TYW1: variants seen among roughly 807,000 people sequenced by gnomAD.
TYW1 encodes tRNA-yW synthesizing protein 1 homolog.
A neutral mutation model predicts 96.2 loss-of-function variants in TYW1; 46 were observed. That is an observed-to-expected ratio of 0.48 (90% CI 0.38 to 0.61). The LOEUF (loss-of-function observed/expected upper bound fraction) is 0.61. TYW1 is among the 20% of genes least tolerant of loss of function. The pLI is 0.00. For missense variants in TYW1, 684 were observed against 909.6 expected, an observed-to-expected ratio of 0.75 and a Z score of 3.19; for synonymous variants, 274 against 323.0, an observed-to-expected ratio of 0.85 and a Z score of 1.63.
chr7:67,080,228 G>A (rs1165418660), intron 10 of TYW1, among the ~76,000 whole-genome samples: 2 of 152,008 alleles, frequency 1.3e-5, no homozygotes, highest in East Asian at 3.9e-4. Flanking sequence ...ATCTCATAAT[G>A]TTTGCTTTAT....
At chr7:67,173,142 A>G (rs1331767589) in intron 13 of TYW1, among the ~76,000 whole-genome samples, 4 of 152,318 alleles carry the variant, frequency 2.6e-5, no homozygotes, top group South Asian at 2.1e-4. Context: ...ATTCAAATGT[A>G]TCTCATTTTC....
At chr7:67,094,204 A>G (rs1161687725) in intron 11 of TYW1, among the ~76,000 whole-genome samples, 1 of 152,154 alleles carries the variant, frequency 6.6e-6, no homozygotes, top group African/African-American at 2.4e-5. Flanking sequence ...ATAGTATTCC[A>G]TGGTGTATAT....
intron 13 of TYW1, among the ~76,000 whole-genome samples, chr7:67,141,601 C>G (rs182157371): frequency 6.6e-6 from 1 of 152,178 alleles, no homozygotes; most frequent in Non-Finnish European, 1.5e-5. Flanking sequence ...CCTCAGAAAG[C>G]GAGCAGAGTG....
At chr7:67,119,478 C>T (rs1304556137) in intron 13 of TYW1, among the ~76,000 whole-genome samples, 1 of 152,138 alleles carries the variant, frequency 6.6e-6, no homozygotes, top group Non-Finnish European at 1.5e-5. Flanking sequence ...CACATGTACC[C>T]ACCACCTTCT....
intron 13 of TYW1, among the ~76,000 whole-genome samples, chr7:67,171,274 G>A (rs1799504557): frequency 6.6e-6 from 1 of 152,062 alleles, no homozygotes; most frequent in Admixed American, 6.5e-5. Flanking sequence ...AGTTATCTGT[G>A]TCTTCTTTTT....
At chr7:67,168,554 T>C (rs962691627) in intron 13 of TYW1, among the ~76,000 whole-genome samples, 7 of 152,212 alleles carry the variant, frequency 4.6e-5, no homozygotes, top group African/African-American at 1.4e-4. Flanking sequence ...GTGTTTTCTT[T>C]AGGACTTTGT....
intron 14 of TYW1, among the ~76,000 whole-genome samples, chr7:67,187,117 G>A (rs770431794): frequency 7.3e-4 from 101 of 138,378 alleles, no homozygotes; most frequent in Non-Finnish European, 1.3e-3. Flanking sequence ...AGACTGGAGC[G>A]CAGTGGCACA....
In TYW1 at chr7:67,001,351, A is replaced by T. The variant is rs191057286; in HGVS notation, c.273+2397A>T. Among the ~76,000 whole-genome samples, 373 of 152,102 alleles carry T rather than the reference A, an allele frequency of 2.5e-3. 2 individuals are homozygous for T. The highest frequency in any genetic ancestry group is 8.6e-3 in the African/African-American group (356 of 41,538). On this transcript the variant is annotated intron_variant, in intron 3 of 15. Transcript: ENST00000359626. ...CATATCATAGTTGATTTTGGGGTAG[A>T]TAGCCATCTTCCATCTTAAAGCTGC...
chr7:67,093,825 C>G (rs1796799233), intron 11 of TYW1, among the ~76,000 whole-genome samples: 2 of 152,052 alleles, frequency 1.3e-5, no homozygotes, highest in African/African-American at 4.8e-5. Flanking sequence ...GCTTTGATCT[C>G]TTGGGGATTT....
chr7:67,127,256 T>C (rs1797938327), intron 13 of TYW1, among the ~76,000 whole-genome samples: 1 of 151,938 alleles, frequency 6.6e-6, no homozygotes, highest in African/African-American at 2.4e-5. Context: ...CCTCCCAGGT[T>C]CAAGCAATTT....
Position 67,186,081 on chromosome 7 carries a change from T to TA in TYW1, c.1809+2846dup, listed in dbSNP as rs1800007427. On this transcript the variant is annotated intron_variant, in intron 14 of 15. Transcript: ENST00000359626. ...GGCAGGAGCTCTAATGATGCAAAGA[T>TA]ACAAACTGCAGCTGAAAATATATGT... is the stretch of plus-strand genomic sequence containing the variant. Among the ~76,000 whole-genome samples the TA allele has an allele frequency of 2.1e-5, 3 of 144,294 alleles. No homozygotes were observed. In the South Asian group the frequency reaches 6.9e-4, roughly 33 times the overall value. The allele number at this position is 144,294 out of a possible 152,430, so 94.7% of individuals were successfully genotyped here. A position where few individuals can be genotyped will look rare whatever the true frequency, so the allele number is the denominator to read the frequency against.
intron 11 of TYW1, among the ~76,000 whole-genome samples, chr7:67,094,810 A>C (rs1168610742): frequency 6.6e-6 from 1 of 151,782 alleles, no homozygotes; most frequent in Non-Finnish European, 1.5e-5. Context: ...CAACCTGGGG[A>C]TTCATTCTCT....
intron 13 of TYW1, among the ~76,000 whole-genome samples, chr7:67,155,908 T>C (rs1798955585): frequency 6.6e-6 from 1 of 152,126 alleles, no homozygotes; most frequent in South Asian, 2.1e-4. Context: ...ATACTATTGG[T>C]TGGGTAGTGG....
intron 15 of TYW1, among the ~76,000 whole-genome samples, chr7:67,202,080 C>T (rs1800620172): frequency 6.6e-6 from 1 of 152,144 alleles, no homozygotes; most frequent in African/African-American, 2.4e-5. Flanking sequence ...GAAACCCATC[C>T]AAAAAGCAAA....
chr7:67,156,673 C>A (rs1798985051), intron 13 of TYW1, among the ~76,000 whole-genome samples: 1 of 152,148 alleles, frequency 6.6e-6, no homozygotes, highest in South Asian at 2.1e-4. Context: ...TCTGGAAGAA[C>A]ATGGGAGATG....
chr7:67,128,400 G>T (rs1374622132), intron 13 of TYW1, among the ~76,000 whole-genome samples: 1 of 152,078 alleles, frequency 6.6e-6, no homozygotes, highest in Non-Finnish European at 1.5e-5. Context: ...TTAGGATTTC[G>T]ATCTCTGTTT....
At chr7:67,228,377 A>G (rs918146234) in intron 15 of TYW1, among the ~76,000 whole-genome samples, 5 of 152,170 alleles carry the variant, frequency 3.3e-5, no homozygotes, top group Non-Finnish European at 7.3e-5. Context: ...TTTATTCACT[A>G]TCTCAAGAAC....
At chr7:67,216,866 CAT>C (rs988963967) in intron 15 of TYW1, among the ~76,000 whole-genome samples, 6 of 151,546 alleles carry the variant, frequency 4.0e-5, no homozygotes, top group African/African-American at 1.5e-4. Flanking sequence ...TTTAATCTGT[CAT>C]ATGAATATTT....
chr7:67,017,838 A>C lies in TYW1; in HGVS notation c.571-15A>C. 6.2e-7 allele frequency: 1 copy of C among 1,606,734 alleles called. No individual in the cohort carries two copies. Among genetic ancestry groups the C allele is most frequent in the Non-Finnish European group, 8.5e-7 (1 of 1,174,780 alleles). ...AGAGAACCGTGCTTTTAGCCTATCT[A>C]TCTTTTCCTCACAGGTTGGCAAAAA... is the stretch of plus-strand genomic sequence containing the variant. On this transcript the variant is annotated splice_polypyrimidine_tract_variant and intron_variant, in intron 5 of 15. Coordinates refer to ENST00000359626, the MANE Select transcript of TYW1 (RefSeq NM_018264.4).
Sources: gnomAD v4.1 joint callset for allele counts (sites outside exome capture counted in the v4.1 genomes callset) on GRCh38, gnomAD v4.1.1 for gene constraint, MANE v1.5 for transcripts, NCBI Gene and HGNC (gene_info 2026-07-23, HGNC 2026-07-21) for gene names.